MPP7: variants seen among roughly 807,000 people sequenced by gnomAD.
The protein encoded by MPP7 is MAGUK p55 scaffold protein 7, also known as MAGUK p55 subfamily member 7.
A neutral mutation model predicts 76.5 loss-of-function variants in MPP7; 60 were observed. The ratio of observed to expected loss-of-function variants is 0.78; its 90% CI spans 0.64 to 0.97. MPP7 has a LOEUF of 0.97. Among genes scored for constraint, MPP7 ranks in the 50% least tolerant of loss-of-function variants. MPP7 has a pLI of 0.00. For missense variants in MPP7, 641 were observed against 694.0 expected (o/e 0.92, Z 0.86); for synonymous variants, 237 against 244.5 (o/e 0.97, Z 0.29).
Position 28,089,821 on chromosome 10 carries a change from G to A in MPP7, c.973C>T (p.Arg325Cys), listed in dbSNP as rs868690750. Residue 325 changes from arginine (R) to cysteine (C), a missense_variant, in exon 12 of 17, where the codon CGT becomes TGT. Transcript: ENST00000683449. ...RKSSGFRKSF[R>C]LSRKDKKTNK... Reference sequence around the variant, plus strand: ...GTTTTCTTATCTTTTCTACTAAGACGAAAACTTTTTCTAAAACCAGCTGCA... The same window carrying A: ...GTTTTCTTATCTTTTCTACTAAGACAAAAACTTTTTCTAAAACCAGCTGCA... 1.9e-6 allele frequency: 3 copies of A among 1,545,176 alleles called. No homozygotes were observed. Among genetic ancestry groups the A allele is most frequent in the African/African-American group, 1.4e-5 (1 of 72,788 alleles).
chr10:28,084,534 T>G (rs1379136102), intron 12 of MPP7, among the ~76,000 whole-genome samples: 3 of 152,124 alleles, frequency 2.0e-5, no homozygotes, highest in African/African-American at 7.2e-5. Flanking sequence ...GACCTCCAGG[T>G]GACCAGAATG....
chr10:28,095,539 TTA>T (rs1178421213), intron 11 of MPP7, among the ~76,000 whole-genome samples: 3 of 152,166 alleles, frequency 2.0e-5, no homozygotes, highest in African/African-American at 7.2e-5. Context: ...TACACCTTAG[TTA>T]AGTCTAAGCT....
At chr10:28,063,461 C>CAAAAAAAA (rs760077416) in intron 13 of MPP7, among the ~76,000 whole-genome samples, 1 of 109,676 alleles carries the variant, frequency 9.1e-6, no homozygotes. Context: ...GACTCTGTCT[C>CAAAAAAAA]AAAAAAAAAA....
At chr10:28,206,274 A>G (rs1837947121) in intron 2 of MPP7, among the ~76,000 whole-genome samples, 1 of 152,236 alleles carries the variant, frequency 6.6e-6, no homozygotes. Context: ...TTATCATCTT[A>G]GATGACACAG....
chr10:28,279,049 T>C (rs561231904), intron 1 of MPP7, among the ~76,000 whole-genome samples: 14 of 152,192 alleles, frequency 9.2e-5, no homozygotes, highest in Admixed American at 9.2e-4. Flanking sequence ...ATCTCTATTT[T>C]GGACTCAACG....
chr10:28,304,648 G>A (rs943649177), upstream of MPP7, among the ~76,000 whole-genome samples: 1 of 152,110 alleles, frequency 6.6e-6, no homozygotes, highest in South Asian at 2.1e-4. Flanking sequence ...AGTACTTTGA[G>A]CAAATAGTTT....
At chr10:28,224,807 A>G (rs2134082342) in intron 2 of MPP7, among the ~76,000 whole-genome samples, 1 of 152,310 alleles carries the variant, frequency 6.6e-6, no homozygotes, top group South Asian at 2.1e-4. Flanking sequence ...CATTTAGGTA[A>G]CCAAAAAATA....
chr10:28,282,010 C>A (rs1840689139), intron 1 of MPP7: 1 of 152,098 alleles, frequency 6.6e-6, no homozygotes, highest in Non-Finnish European at 1.5e-5. Flanking sequence ...GAACACCCAC[C>A]TTTCTTTCTC....
Position 28,059,724 on chromosome 10 carries a change from T to G in MPP7, c.1224A>C (p.Arg408Ser). The stretch of plus-strand genomic sequence containing the variant: ...ATTCAACACCATCACTCTCCTGGCT[T>G]CTTCTTGCTCTGGTGGTATCTATGA... ...VTVPHTTRARRSQESDGVEYI... is the reference protein window; with the variant it reads ...VTVPHTTRARSSQESDGVEYI... The change falls in exon 14 of 17, where the codon AGA becomes AGC. Residue 408 changes from arginine to serine, a missense_variant. By Grantham distance (110) the Arg-to-Ser change is moderately radical. Transcript: ENST00000683449. The G allele has an allele frequency of 1.2e-6, 2 of 1,612,986 alleles. No homozygotes were observed. Among genetic ancestry groups the G allele is most frequent in the Non-Finnish European group, 1.7e-6 (2 of 1,179,236 alleles).
At chr10:28,118,803 C>T (rs1834737747) in intron 11 of MPP7, 1 of 985,256 alleles carries the variant, frequency 1.0e-6, no homozygotes, top group Admixed American at 6.2e-5. Flanking sequence ...TATGCTTCTG[C>T]AAACTGACAG....
chr10:28,189,214 G>A (rs1422898997), intron 3 of MPP7, among the ~76,000 whole-genome samples: 1 of 152,100 alleles, frequency 6.6e-6, no homozygotes, highest in Non-Finnish European at 1.5e-5. Context: ...AAAGGGAATT[G>A]AGAATACTCT....
intron 3 of MPP7, among the ~76,000 whole-genome samples, chr10:28,151,740 T>C (rs1460776427): frequency 6.6e-6 from 1 of 152,348 alleles, no homozygotes; most frequent in Non-Finnish European, 1.5e-5. Context: ...CAAGTTGCTA[T>C]GTTCTTGCAG....
chr10:28,109,848 CAAAAAAAAA>C (rs869206744), intron 11 of MPP7, among the ~76,000 whole-genome samples: 21 of 19,224 alleles, frequency 1.1e-3, no homozygotes, highest in South Asian at 2.9e-3. Context: ...GCCGCAGACG[CAAAAAAAAA>C]AAAAAAAAAA....
rs556700711 is a variant in MPP7, at chr10:28,144,845, G to A, written c.315+2638C>T. On this transcript the variant is annotated intron_variant, in intron 5 of 16. Coordinates refer to ENST00000683449, the MANE Select transcript of MPP7 (RefSeq NM_001318170.2). ...TCTCCTATCACCTTCACTAGTGTAC[G>A]TATATCCTCTATAATCTGCATCCAT... Among the ~76,000 whole-genome samples, 20 of 152,040 alleles carry A rather than the reference G, an allele frequency of 1.3e-4. No individual in the cohort carries two copies. The East Asian group carries it at 2.7e-3, about 21-fold the overall frequency.
intron 5 of MPP7, 100 bp downstream of exon 5, chr10:28,147,383 T>C (rs1470393956): frequency 1.1e-5 from 10 of 882,354 alleles, no homozygotes; most frequent in East Asian, 4.8e-5. Flanking sequence ...CTATTCAAAA[T>C]ACATTTACTT....
chr10:28,189,734 G>C (rs1480354609), intron 3 of MPP7, among the ~76,000 whole-genome samples: 1 of 151,870 alleles, frequency 6.6e-6, no homozygotes, highest in African/African-American at 2.4e-5. Context: ...AGCAGAGAAG[G>C]AAGGAAAAGA....
Position 28,245,685 on chromosome 10 carries a change from C to T in MPP7, c.-131-6950G>A, listed in dbSNP as rs12240783. Among the ~76,000 whole-genome samples, 1,046 of 151,784 alleles carry T rather than the reference C, an allele frequency of 6.9e-3. 14 individuals are homozygous for T. Among genetic ancestry groups the T allele is most frequent in the African/African-American group, 0.023 (971 of 41,378 alleles). On this transcript the variant is annotated intron_variant, in intron 1 of 16. Coordinates refer to ENST00000683449, the MANE Select transcript of MPP7 (RefSeq NM_001318170.2). ...CATTTTTTTTTTCAAGACAGAGTTC[C>T]GCTCTTGTTGCCCAGGCTGGAGTAC...
At chr10:28,212,996 G>A (rs938020003) in intron 2 of MPP7, among the ~76,000 whole-genome samples, 1 of 152,128 alleles carries the variant, frequency 6.6e-6, no homozygotes, top group South Asian at 2.1e-4. Context: ...CTGTAGTGCA[G>A]TGCCATGATC....
intron 3 of MPP7, among the ~76,000 whole-genome samples, chr10:28,178,436 C>T (rs1285684002): frequency 6.6e-6 from 1 of 151,326 alleles, no homozygotes; most frequent in African/African-American, 2.4e-5. Context: ...AGGATAAACA[C>T]CAAGCAGGCA....
Sources: allele counts gnomAD v4.1 joint callset (sites outside exome capture counted in the v4.1 genomes callset), GRCh38; gene constraint gnomAD v4.1.1; transcripts MANE v1.5; gene names NCBI Gene and HGNC (gene_info 2026-07-23, HGNC 2026-07-21).